LITAF: variants seen among roughly 807,000 people sequenced by gnomAD.
The protein encoded by LITAF is lipopolysaccharide induced TNF factor.
Under a neutral mutation model 14.5 loss-of-function variants are expected in LITAF, and 9 were observed. That is an observed-to-expected ratio of 0.62 (90% CI 0.37 to 1.08). The LOEUF (loss-of-function observed/expected upper bound fraction) is 1.08. Among genes scored for constraint, LITAF ranks in the 50% least tolerant of loss-of-function variants. The probability of loss-of-function intolerance (pLI) is 0.01; values close to 1 mark genes in which losing one functional copy is unlikely to be tolerated. For synonymous variants in LITAF, 98 were observed against 88.2 expected (o/e 1.11, Z -0.62); for missense variants, 206 against 213.4 (o/e 0.97, Z 0.22).
chr16:11,598,726 C>T (rs1376387769), upstream of LITAF, among the ~76,000 whole-genome samples: 1 of 152,146 alleles, frequency 6.6e-6, no homozygotes, highest in Non-Finnish European at 1.5e-5. Context: ...CCTTCCAGAA[C>T]CTATGTTTTT....
chr16:11,608,981 A>AC (rs1389975538), intron 3 of LITAF, among the ~76,000 whole-genome samples: 6 of 3,764 alleles, frequency 1.6e-3, no homozygotes, highest in Non-Finnish European at 4.4e-3. Flanking sequence ...ACAAACAAAC[A>AC]AAAAAAAACG....
intron 3 of LITAF, among the ~76,000 whole-genome samples, chr16:11,618,826 T>C (rs2141890132): frequency 6.6e-6 from 1 of 151,494 alleles, no homozygotes; most frequent in South Asian, 2.1e-4. Flanking sequence ...CTACTAAAAA[T>C]ACGAAAGTTA....
At chr16:11,625,585 A>G (rs2065078799) in intron 3 of LITAF, among the ~76,000 whole-genome samples, 2 of 151,978 alleles carry the variant, frequency 1.3e-5, no homozygotes, top group South Asian at 4.1e-4. Context: ...CTTGCACCCA[A>G]ATTTCTGTCT....
At chr16:11,573,123 T>C (rs954145043) in intron 1 of LITAF, among the ~76,000 whole-genome samples, 1 of 151,916 alleles carries the variant, frequency 6.6e-6, no homozygotes, top group Non-Finnish European at 1.5e-5. Context: ...AGAGATGGGG[T>C]CTCACTATGT....
At chr16:11,552,860 T>C (rs775028226) in intron 3 of LITAF, among the ~76,000 whole-genome samples, 4 of 152,032 alleles carry the variant, frequency 2.6e-5, no homozygotes, top group Non-Finnish European at 4.4e-5. Context: ...ACACCTGTAA[T>C]CCCAGCACTT....
At chr16:11,638,692 A>G (rs574342090), upstream of LITAF, among the ~76,000 whole-genome samples, 7 of 120,616 alleles carry the variant, frequency 5.8e-5, no homozygotes, top group Non-Finnish European at 1.2e-4. Flanking sequence ...ACAGAGCAAG[A>G]CTCTGTCTCA....
At chr16:11,572,583 C>G (rs1009707076) in intron 1 of LITAF, among the ~76,000 whole-genome samples, 1 of 152,156 alleles carries the variant, frequency 6.6e-6, no homozygotes, top group African/African-American at 2.4e-5. Context: ...CCTTCCTCCC[C>G]TAAACCCGCA....
intron 1 of LITAF, among the ~76,000 whole-genome samples, chr16:11,583,393 TC>T (rs1466619332): frequency 5.3e-5 from 8 of 152,286 alleles, no homozygotes; most frequent in Non-Finnish European, 1.2e-4. Flanking sequence ...TGAAACCACA[TC>T]CCTAGTTTCC....
upstream of LITAF, among the ~76,000 whole-genome samples, chr16:11,639,893 G>GC (rs1555475869): frequency 2.6e-5 from 4 of 152,096 alleles, no homozygotes; most frequent in Non-Finnish European, 5.9e-5. Context: ...TACCCTCTCA[G>GC]CCCCCCAAGT....
At chr16:11,578,750 G>A (rs2064684448) in intron 1 of LITAF, among the ~76,000 whole-genome samples, 1 of 152,184 alleles carries the variant, frequency 6.6e-6, no homozygotes, top group Non-Finnish European at 1.5e-5. Flanking sequence ...CAACCCCACT[G>A]TAATCATGAG....
At chr16:11,557,559 C>T (rs959038195) in intron 1 of LITAF, among the ~76,000 whole-genome samples, 1 of 152,178 alleles carries the variant, frequency 6.6e-6, no homozygotes, top group Admixed American at 6.5e-5. Flanking sequence ...AGGTGATCTT[C>T]CTGCCTCAGC....
intron 3 of LITAF, among the ~76,000 whole-genome samples, chr16:11,604,644 TAAAA>T (rs67633068): frequency 0.38 from 48,199 of 128,490 alleles, 10,034 homozygotes; most frequent in Middle Eastern, 0.48. Context: ...CTGTCTCTCT[TAAAA>T]AAAAAAAAAA....
rs755290822 is a variant in LITAF at position 11,632,206 on chromosome 16, G to C, written c.85+1327C>G. Among the ~76,000 whole-genome samples, 1 of 152,170 alleles carries C rather than the reference G, an allele frequency of 6.6e-6. No homozygotes were observed. The highest frequency in any genetic ancestry group is 2.4e-5 in the African/African-American group (1 of 41,464). ...TTTTCAAATCAGGTCACCTTCACAA[G>C]TGCTGGGAGTTACGTCGTGGACGTG... On this transcript the variant is annotated intron_variant, in intron 3 of 3. Coordinates refer to the LITAF transcript ENST00000574848. This position sits in a 1 kb window ranked among gnomAD's most constrained non-coding sequence, Gnocchi z 4.8.
intron 3 of LITAF, among the ~76,000 whole-genome samples, chr16:11,617,081 G>A (rs1028357965): frequency 2.6e-5 from 4 of 151,410 alleles, no homozygotes; most frequent in South Asian, 2.1e-4. Context: ...TTTGCCAGGC[G>A]TGGTGGTGCA....
At chr16:11,581,174 G>T (rs1015621817) in intron 1 of LITAF, among the ~76,000 whole-genome samples, 3 of 152,194 alleles carry the variant, frequency 2.0e-5, no homozygotes, top group African/African-American at 7.2e-5. Flanking sequence ...GAATAAATTT[G>T]TATGTATTTT....
chr16:11,566,385 G>A (rs1207374763), intron 1 of LITAF, among the ~76,000 whole-genome samples: 1 of 152,142 alleles, frequency 6.6e-6, no homozygotes, highest in Non-Finnish European at 1.5e-5. Context: ...GGGACAAGTT[G>A]GTCACTCTGG....
rs1183437787 is a variant in LITAF at position 11,620,161 on chromosome 16, C to G, written c.85+13372G>C. Reference sequence around the variant, plus strand: ...CCAGCCTAGAGGACAGAGTGAGAGTCCGTCTCAAAAAAAAAAAAAAAAGAA... The same window carrying G: ...CCAGCCTAGAGGACAGAGTGAGAGTGCGTCTCAAAAAAAAAAAAAAAAGAA... On this transcript the variant is annotated intron_variant, in intron 3 of 3. Coordinates refer to the LITAF transcript ENST00000574848. 2.7e-5 allele frequency among the ~76,000 whole-genome samples: 4 copies of G among 146,018 alleles called. No individual in the cohort carries two copies. The South Asian group carries it at 6.5e-4, about 24-fold the overall frequency.
chr16:11,623,792 C>G (rs910189813), intron 3 of LITAF, among the ~76,000 whole-genome samples: 1 of 151,982 alleles, frequency 6.6e-6, no homozygotes, highest in African/African-American at 2.4e-5. Context: ...CACGGTGAAA[C>G]CCCGTCTCTA....
At chr16:11,594,645 G>A (rs1360902321) in intron 1 of LITAF, among the ~76,000 whole-genome samples, 2 of 152,190 alleles carry the variant, frequency 1.3e-5, no homozygotes, top group East Asian at 1.9e-4. Flanking sequence ...GGAGGCTGAG[G>A]CAGGTGGATC....
Sources: gnomAD v4.1 joint callset for allele counts (sites outside exome capture counted in the v4.1 genomes callset) on GRCh38, gnomAD v4.1.1 for gene constraint, Gnocchi (gnomAD v3.1) non-coding constraint, MANE v1.5 for transcripts, NCBI Gene and HGNC (gene_info 2026-07-23, HGNC 2026-07-21) for gene names.